ZBTB25: variants seen among roughly 807,000 people sequenced by gnomAD.
The protein encoded by ZBTB25 is zinc finger and BTB domain-containing protein 25.
In ZBTB25, 20 loss-of-function variants were observed where a neutral mutation model predicts 34.2. The observed-to-expected ratio is 0.58, with a 90% confidence interval of 0.41 to 0.85. The LOEUF is 0.85. ZBTB25 is among the 40% of genes least tolerant of loss of function. The probability of loss-of-function intolerance (pLI) is 0.00; values close to 1 mark genes in which losing one functional copy is unlikely to be tolerated. For synonymous variants in ZBTB25, 175 were observed against 186.4 expected (o/e 0.94, Z 0.50); for missense variants, 437 against 521.8 (o/e 0.84, Z 1.58).
chr14:64,488,613 C>A (rs2078964061), intron 2 of ZBTB25, among the ~76,000 whole-genome samples: 1 of 152,128 alleles, frequency 6.6e-6, no homozygotes, highest in South Asian at 2.1e-4. Context: ...CTGATACATG[C>A]TACAACATGG....
chr14:64,503,576 C>G (rs1478349482), intron 1 of ZBTB25, 85 bp downstream of exon 1: 1 of 985,880 alleles, frequency 1.0e-6, no homozygotes, highest in Admixed American at 6.1e-5. Flanking sequence ...GCGACTGGTG[C>G]AGCTGCAGGC....
rs758973638 is a variant in ZBTB25, at chr14:64,454,832, G to A, written c.174-5194C>T. On this transcript the variant is annotated intron_variant, in intron 2 of 2. Coordinates refer to the ZBTB25 transcript ENST00000555220. ...TTCATTCTGCCCATTCGCGACATCC[G>A]CGCCAGCGTTGGGGCTGGTTTTCTG... The A allele has an allele frequency of 3.1e-5, 50 of 1,614,040 alleles. No individual in the cohort carries two copies. The highest frequency in any genetic ancestry group is 8.8e-5 in the South Asian group (8 of 91,088).
In ZBTB25 at chr14:64,485,482, T is replaced by C. The variant is rs1384258929; in HGVS notation, c.*1441A>G. The C allele has an allele frequency of 2.0e-6, 2 of 985,268 alleles. No homozygotes were observed. The allele number at this position is 985,268 out of a possible 1,614,324, so 61.0% of individuals were successfully genotyped here. A position where few individuals can be genotyped will look rare whatever the true frequency, so the allele number is the denominator to read the frequency against. On this transcript the variant is annotated 3_prime_UTR_variant, in exon 3 of 3. Coordinates refer to ENST00000608382, the MANE Select transcript of ZBTB25 (RefSeq NM_006977.5). ...AGCTTAACCAGCTATTTCCCAGGTA[T>C]ATAGAGCCGGGGAATCTGTTATTTC... is the stretch of plus-strand genomic sequence containing the variant.
upstream of ZBTB25, chr14:64,505,032 G>A (rs1466550586): frequency 2.6e-6 from 1 of 380,678 alleles, no homozygotes; most frequent in African/African-American, 2.1e-5. Context: ...GGAGTGCGGG[G>A]CCGGAGGGGC....
chr14:64,474,351 GAAAGTA>G (rs986433064), downstream of ZBTB25: 1 of 167,054 alleles, frequency 6.0e-6, no homozygotes, highest in African/African-American at 2.4e-5. Flanking sequence ...GAGCTATTAT[GAAAGTA>G]AAAGTTTCAT....
At chr14:64,471,202 G>C (rs2078666829) in intron 2 of ZBTB25, 2 of 155,634 alleles carry the variant, frequency 1.3e-5, no homozygotes, top group South Asian at 2.1e-4. Flanking sequence ...GCCCAGGCTG[G>C]AGTGCAGTGG....
rs942287224 is a variant in ZBTB25, at chr14:64,479,415, G to C, written c.*7508C>G. 2 of 149,666 alleles carry C rather than the reference G, an allele frequency of 1.3e-5. No homozygotes were observed. Among genetic ancestry groups the C allele is most frequent in the Non-Finnish European group, 1.5e-5 (1 of 68,022 alleles). The allele number at this position is 149,666 out of a possible 1,614,324, so 9.3% of individuals were successfully genotyped here. A position where few individuals can be genotyped will look rare whatever the true frequency, so the allele number is the denominator to read the frequency against. ...CTCCACATCGTCAAATGTCTCTATGGGGGGGGATAGCCCTGTGTAATGTTT... is the reference window on the plus strand; with the variant it reads ...CTCCACATCGTCAAATGTCTCTATGCGGGGGGATAGCCCTGTGTAATGTTT... On this transcript the variant is annotated 3_prime_UTR_variant, in exon 3 of 3. Transcript: ENST00000608382.
At position 64,487,903 on chromosome 14, in the gene ZBTB25, T is replaced by C. The variant is rs758217787; in HGVS notation, c.328A>G (p.Ile110Val). 6.2e-6 allele frequency: 10 copies of C among 1,614,216 alleles called. No homozygotes were observed. The highest frequency in any genetic ancestry group is 1.1e-5 in the South Asian group (1 of 91,086). ...AACACTTGATTCATTTCAGTTGCAA[T>C]GTGAGAAAGGTAGTCGGCGTGAAGA... ...RFLHADYLSH[I>V]ATEMNQVFSP... The change falls in exon 3 of 3, where the codon ATT becomes GTT. Residue 110 changes from isoleucine to valine, a missense_variant. By Grantham distance (29) the Ile-to-Val change is conservative. Transcript: ENST00000608382.
Position 64,484,932 on chromosome 14 carries a change from A to C in ZBTB25, c.*1991T>G. On this transcript the variant is annotated 3_prime_UTR_variant, in exon 3 of 3. Coordinates refer to ENST00000608382, the MANE Select transcript of ZBTB25 (RefSeq NM_006977.5). ...TTGGTAGAAAAAAGTTTAAGATTAG[A>C]CAAAGTTCTGACCCCAAAGAACATA... is the stretch of plus-strand genomic sequence containing the variant. 1 of 927,182 alleles carries C rather than the reference A, an allele frequency of 1.1e-6. No homozygotes were observed. The highest frequency in any genetic ancestry group is 5.0e-5 in the South Asian group (1 of 20,122). The allele number at this position is 927,182 out of a possible 1,614,324, so 57.4% of individuals were successfully genotyped here.
In ZBTB25 at chr14:64,487,747, G is replaced by C; in HGVS notation, c.484C>G (p.Gln162Glu). ...SSNSGNRAAVQGDHPQLQLSL... is the reference protein window; with the variant it reads ...SSNSGNRAAVEGDHPQLQLSL... The stretch of plus-strand genomic sequence containing the variant: ...AACTGCAACTGGGGGTGGTCACCCT[G>C]GACAGCAGCTCTGTTTCCACTGTTA... The change falls in exon 3 of 3, where the codon CAG (glutamine) becomes GAG (glutamate). Residue 162 changes from glutamine (Q) to glutamate (E), a missense_variant. Physicochemically the swap from Gln to Glu is conservative, Grantham distance 29 (BLOSUM62 2). Coordinates refer to ENST00000608382, the MANE Select transcript of ZBTB25 (RefSeq NM_006977.5). 6.2e-7 allele frequency: 1 copy of C among 1,614,082 alleles called. No individual in the cohort carries two copies. Among genetic ancestry groups the C allele is most frequent in the Non-Finnish European group, 8.5e-7 (1 of 1,180,020 alleles).
downstream of ZBTB25, among the ~76,000 whole-genome samples, chr14:64,474,946 A>T (rs1442414689): frequency 2.0e-5 from 3 of 152,210 alleles, no homozygotes; most frequent in African/African-American, 4.8e-5. Flanking sequence ...GGTAATGTTA[A>T]CACTCTATCT....
chr14:64,465,210 G>A (rs1360183655), intron 2 of ZBTB25, among the ~76,000 whole-genome samples: 1 of 151,794 alleles, frequency 6.6e-6, no homozygotes, highest in Non-Finnish European at 1.5e-5. Flanking sequence ...CATTGCCCTG[G>A]TCCCCCCCGC....
intron 2 of ZBTB25, chr14:64,469,117 T>A (rs762060392): frequency 6.2e-7 from 1 of 1,614,056 alleles, no homozygotes; most frequent in Non-Finnish European, 8.5e-7. Context: ...AAAAACAAGA[T>A]GTTCAACCCC....
chr14:64,503,108 CGGTGATAAGATG>C, intron 1 of ZBTB25: 1 of 985,398 alleles, frequency 1.0e-6, no homozygotes. Context: ...CCAGAGAAGA[CGGTGATAAGATG>C]GGTCAAGCTT....
At chr14:64,464,048 T>C (rs1056907558) in intron 2 of ZBTB25, among the ~76,000 whole-genome samples, 7 of 152,078 alleles carry the variant, frequency 4.6e-5, no homozygotes, top group African/African-American at 1.7e-4. Context: ...TTTTTTTTTT[T>C]TTTGAGGCAG....
chr14:64,496,638 T>A (rs1217991961), intron 1 of ZBTB25, among the ~76,000 whole-genome samples: 2 of 152,228 alleles, frequency 1.3e-5, no homozygotes, highest in East Asian at 3.8e-4. Flanking sequence ...TCCTAAAAAA[T>A]TTTTCAAAAA....
chr14:64,469,840 A>T (rs2078649557), intron 2 of ZBTB25: 13 of 564,850 alleles, frequency 2.3e-5, no homozygotes, highest in Non-Finnish European at 4.0e-5. Context: ...CAAGTTTATA[A>T]AACTCTACCA....
chr14:64,485,123 T>C lies in ZBTB25; in HGVS notation c.*1800A>G. 1.0e-6 allele frequency: 1 copy of C among 985,418 alleles called. No homozygotes were observed. The highest frequency in any genetic ancestry group is 1.2e-6 in the Non-Finnish European group (1 of 829,918). 61.0% of individuals were successfully genotyped at this position (985,418 alleles called of 1,614,324 possible). On this transcript the variant is annotated 3_prime_UTR_variant, in exon 3 of 3. Coordinates refer to ENST00000608382, the MANE Select transcript of ZBTB25 (RefSeq NM_006977.5). ...TCTTCATTCAATCCTCAAGAAAAAC[T>C]TACCACTTTGTAATTTACCTAAACT... is the stretch of plus-strand genomic sequence containing the variant.
Position 64,479,333 on chromosome 14 carries a change from C to G in ZBTB25, c.*7590G>C, listed in dbSNP as rs887377367. 1 of 152,286 alleles carries G rather than the reference C, an allele frequency of 6.6e-6. No homozygotes were observed. Among genetic ancestry groups the G allele is most frequent in the African/African-American group, 2.4e-5 (1 of 41,454 alleles). 9.4% of individuals were successfully genotyped at this position (152,286 alleles called of 1,614,324 possible). ...TAGCAGCATCCCTGGCCTCCACCTA[C>G]TAGATGCCAGCAGCAGCCTCCCTCA... On this transcript the variant is annotated 3_prime_UTR_variant, in exon 3 of 3. Transcript: ENST00000608382.
Sources: allele counts gnomAD v4.1 joint callset (sites outside exome capture counted in the v4.1 genomes callset), GRCh38; gene constraint gnomAD v4.1.1; transcripts MANE v1.5; gene names NCBI Gene and HGNC (gene_info 2026-07-23, HGNC 2026-07-21).